Variants in FAM118B observed in about 807,000 individuals in gnomAD.
FAM118B encodes the protein SIR2 antiphage like 1.
A neutral mutation model predicts 38.5 loss-of-function variants in FAM118B; 24 were observed. That is an observed-to-expected ratio of 0.62 (90% confidence interval 0.45 to 0.88). The LOEUF is 0.88. FAM118B is among the 40% of genes least tolerant of loss of function. FAM118B has a pLI of 0.00. For synonymous variants in FAM118B, 138 were observed against 156.3 expected, an observed-to-expected ratio of 0.88 and a Z score of 0.87; for missense variants, 334 against 420.0, an observed-to-expected ratio of 0.80 and a Z score of 1.79.
In FAM118B at chr11:126,244,697, G is replaced by A. The variant is rs865843341; in HGVS notation, c.339+3653G>A. ...CGGGTGCCTATAATCCCAGCTACTC[G>A]GGAGGTGGAGGCAGGAGAATCACTT... On this transcript the variant is annotated intron_variant, in intron 4 of 8. Transcript: ENST00000533050. This position sits in a 1 kb window ranked among gnomAD's most constrained non-coding sequence, Gnocchi z 4.5. Among the ~76,000 whole-genome samples the A allele has an allele frequency of 2.0e-5, 3 of 152,100 alleles. No individual in the cohort carries two copies. Among genetic ancestry groups the A allele is most frequent in the South Asian group, 2.1e-4 (1 of 4,828 alleles).
chr11:126,238,572 G>A (rs1950311651), intron 3 of FAM118B, among the ~76,000 whole-genome samples: 1 of 152,152 alleles, frequency 6.6e-6, no homozygotes, highest in Non-Finnish European at 1.5e-5. Context: ...GGGAAATCTT[G>A]TATTTTATAT....
At position 126,213,560 on chromosome 11, in the gene FAM118B, A is replaced by C. The variant is rs140664589; in HGVS notation, c.-77+1730A>C. ...CATATTACTTAGATACTTGAAGCTCAATTTTCCAAGGACCCTGAAGTTTTG... is the reference window on the plus strand; with the variant it reads ...CATATTACTTAGATACTTGAAGCTCCATTTTCCAAGGACCCTGAAGTTTTG... On this transcript the variant is annotated intron_variant, in intron 1 of 8. Coordinates refer to ENST00000533050, the MANE Select transcript of FAM118B (RefSeq NM_024556.4). 3.1e-3 allele frequency among the ~76,000 whole-genome samples: 475 copies of C among 152,336 alleles called. 2 individuals are homozygous for C. Among genetic ancestry groups the C allele is most frequent in the African/African-American group, 0.011 (457 of 41,572 alleles).
At chr11:126,259,462 T>C (rs1461878458) in intron 7 of FAM118B, among the ~76,000 whole-genome samples, 1 of 149,008 alleles carries the variant, frequency 6.7e-6, no homozygotes, top group Non-Finnish European at 1.5e-5. Context: ...AGTCTCGCTC[T>C]GACGCCAGGC....
chr11:126,251,979 G>A (rs1468545392), intron 5 of FAM118B, among the ~76,000 whole-genome samples: 1 of 150,324 alleles, frequency 6.7e-6, no homozygotes, highest in African/African-American at 2.4e-5. Flanking sequence ...TGGCCGTTTT[G>A]TTTTGTTTTG....
At chr11:126,242,568 C>T (rs1037821651) in intron 4 of FAM118B, among the ~76,000 whole-genome samples, 1 of 152,120 alleles carries the variant, frequency 6.6e-6, no homozygotes, top group Non-Finnish European at 1.5e-5. Context: ...TTTAAAATAA[C>T]GATGTAGTTG....
chr11:126,239,551 C>T (rs912062152), intron 3 of FAM118B, among the ~76,000 whole-genome samples: 2 of 152,140 alleles, frequency 1.3e-5, no homozygotes, highest in Non-Finnish European at 2.9e-5. Flanking sequence ...ACTGATCTTT[C>T]AAGATCAGGG....
intron 5 of FAM118B, among the ~76,000 whole-genome samples, chr11:126,251,311 A>T (rs1950500440): frequency 6.6e-6 from 1 of 152,132 alleles, no homozygotes; most frequent in Admixed American, 6.5e-5. Context: ...GATTTTTGTA[A>T]TGTTTTTTCC....
rs940926433 is a variant in FAM118B at position 126,253,052 on chromosome 11, G to A, written c.568-1253G>A. 2.6e-5 allele frequency among the ~76,000 whole-genome samples: 4 copies of A among 152,114 alleles called. No individual in the cohort carries two copies. Among genetic ancestry groups the A allele is most frequent in the Non-Finnish European group, 5.9e-5 (4 of 67,986 alleles). On this transcript the variant is annotated intron_variant, in intron 5 of 8. Coordinates refer to ENST00000533050, the MANE Select transcript of FAM118B (RefSeq NM_024556.4). The surrounding 1 kb of genome is among the most constrained non-coding windows in gnomAD (Gnocchi z 5.1). ...TCTGTCTAAAAACAAACAAACAAAT[G>A]ATTGAAATTTTAAAACTAGCAGCTT... is the stretch of plus-strand genomic sequence containing the variant.
At chr11:126,247,121 T>A (rs751623557) in intron 4 of FAM118B, among the ~76,000 whole-genome samples, 1 of 152,156 alleles carries the variant, frequency 6.6e-6, no homozygotes, top group African/African-American at 2.4e-5. Flanking sequence ...AGTGAGACCC[T>A]GTCTGTACGA....
At position 126,262,097 on chromosome 11, in the gene FAM118B, T is replaced by C. The variant is rs751780681; in HGVS notation, c.1043-23T>C. On this transcript the variant is annotated intron_variant, in intron 8 of 8. Coordinates refer to ENST00000533050, the MANE Select transcript of FAM118B (RefSeq NM_024556.4). ...ACCTGTTTTGTGAAACTTCATTTTGTTCTCTTTTCTTTCTCCCTACAGGCT... is the reference window on the plus strand; with the variant it reads ...ACCTGTTTTGTGAAACTTCATTTTGCTCTCTTTTCTTTCTCCCTACAGGCT... The C allele has an allele frequency of 1.9e-6, 3 of 1,614,042 alleles. No homozygotes were observed. In the East Asian group the frequency reaches 6.7e-5, roughly 36 times the overall value.
intron 1 of FAM118B, among the ~76,000 whole-genome samples, chr11:126,225,369 A>G (rs1950127401): frequency 6.6e-6 from 1 of 152,218 alleles, no homozygotes; most frequent in Non-Finnish European, 1.5e-5. Flanking sequence ...AATACCCACT[A>G]TAGTAGAATA....
At chr11:126,247,437 TC>T (rs1300889659) in intron 4 of FAM118B, among the ~76,000 whole-genome samples, 1 of 152,128 alleles carries the variant, frequency 6.6e-6, no homozygotes, top group Non-Finnish European at 1.5e-5. Context: ...TGGATTTTTT[TC>T]CCCCCAGGTT....
intron 1 of FAM118B, among the ~76,000 whole-genome samples, chr11:126,213,026 G>T (rs1348129905): frequency 6.6e-6 from 1 of 152,126 alleles, no homozygotes; most frequent in Non-Finnish European, 1.5e-5. Context: ...ATGAGGTCTG[G>T]TCTTTTCCCC....
Position 126,261,982 on chromosome 11 carries a change from T to A in FAM118B, c.1043-138T>A, listed in dbSNP as rs59916901. On this transcript the variant is annotated intron_variant, in intron 8 of 8. Coordinates refer to ENST00000533050, the MANE Select transcript of FAM118B (RefSeq NM_024556.4). ...CTTGTCTCTAAAAAGTAAATAAAAT[T>A]TTAAATAAATTACAAGATTCCTAGA... 2.1e-3 allele frequency: 1,762 copies of A among 826,182 alleles called. 19 individuals are homozygous for A. The African/African-American group carries it at 0.024, about 11-fold the overall frequency. 51.2% of individuals were successfully genotyped at this position (826,182 alleles called of 1,614,324 possible).
At position 126,221,858 on chromosome 11, in the gene FAM118B, T is replaced by C. The variant is rs566354900; in HGVS notation, c.-76-7367T>C. ...AGGAGGATAAACACCAACAATTTCATTGAATTTTGCCATAAGGGTATTTAT... is the reference window on the plus strand; with the variant it reads ...AGGAGGATAAACACCAACAATTTCACTGAATTTTGCCATAAGGGTATTTAT... On this transcript the variant is annotated intron_variant, in intron 1 of 8. Coordinates refer to ENST00000533050, the MANE Select transcript of FAM118B (RefSeq NM_024556.4). 1.2e-4 allele frequency among the ~76,000 whole-genome samples: 18 copies of C among 152,244 alleles called. No individual in the cohort carries two copies. In the South Asian group the frequency reaches 1.7e-3, roughly 14 times the overall value.
At position 126,240,798 on chromosome 11, in the gene FAM118B, G is replaced by C; in HGVS notation, c.93G>C (p.Leu31=). 1 of 1,602,986 alleles carries C rather than the reference G, an allele frequency of 6.2e-7. No individual in the cohort carries two copies. The highest frequency in any genetic ancestry group is 8.5e-7 in the Non-Finnish European group (1 of 1,175,022). The stretch of plus-strand genomic sequence containing the variant: ...ATTTGTTTTGCTTTTATAGGAAGCT[G>C]CTTCCAAGCTTAAAAACTAAGAAGC... ...GEPPTKKPRK[L]LPSLKTKKPR... The change falls in exon 4 of 9, where the codon CTG becomes CTC. Residue 31 remains leucine, a synonymous_variant. Transcript: ENST00000533050.
intron 1 of FAM118B, among the ~76,000 whole-genome samples, chr11:126,221,004 T>G (rs980428514): frequency 6.6e-6 from 1 of 152,076 alleles, no homozygotes; most frequent in African/African-American, 2.4e-5. Flanking sequence ...CTGGCCAACA[T>G]AGTGAAACCC....
intron 1 of FAM118B, among the ~76,000 whole-genome samples, chr11:126,217,965 C>T (rs1482093951): frequency 2.0e-5 from 3 of 152,190 alleles, no homozygotes; most frequent in Admixed American, 6.5e-5. Context: ...TGAGGATATT[C>T]TCTATCTCTG....
At chr11:126,212,834 GGTGATACGTA>G (rs1394505559) in intron 1 of FAM118B, among the ~76,000 whole-genome samples, 1 of 152,320 alleles carries the variant, frequency 6.6e-6, no homozygotes, top group South Asian at 2.1e-4. Flanking sequence ...TTGAACTAGA[GGTGATACGTA>G]GTGAGGAGTC....
Sources: gnomAD v4.1 joint callset for allele counts (sites outside exome capture counted in the v4.1 genomes callset) on GRCh38, gnomAD v4.1.1 for gene constraint, Gnocchi (gnomAD v3.1) non-coding constraint, MANE v1.5 for transcripts, NCBI Gene and HGNC (gene_info 2026-07-23, HGNC 2026-07-21) for gene names.